TNS3: variants seen among roughly 807,000 people sequenced by gnomAD.
TNS3 encodes tensin-3.
TNS3 carries 45 observed loss-of-function variants against 140.9 expected under a neutral mutation model. That is an observed-to-expected ratio of 0.32 (90% confidence interval 0.25 to 0.41). The LOEUF is 0.41. TNS3 is among the 10% of genes least tolerant of loss of function. The pLI is 1.00. For synonymous variants in TNS3, 815 were observed against 788.4 expected, an observed-to-expected ratio of 1.03 and a Z score of -0.56; for missense variants, 1,716 against 1,906.7, an observed-to-expected ratio of 0.90 and a Z score of 1.86.
chr7:47,470,785 G>A (rs1175576861), intron 4 of TNS3: 2 of 289,304 alleles, frequency 6.9e-6, no homozygotes, highest in Non-Finnish European at 5.2e-6. Flanking sequence ...GCTGACACCA[G>A]GGTTAATATG....
chr7:47,528,886 G>A, intron 2 of TNS3, 150 bp downstream of exon 2: 1 of 350,126 alleles, frequency 2.9e-6, no homozygotes, highest in Non-Finnish European at 5.2e-6. Flanking sequence ...CCCCTGCTAA[G>A]TAAGGGGGTA....
At chr7:47,298,707 G>A (rs761420687) in intron 23 of TNS3, among the ~76,000 whole-genome samples, 12 of 152,336 alleles carry the variant, frequency 7.9e-5, no homozygotes, top group East Asian at 1.9e-4. Flanking sequence ...CCTCCACGGC[G>A]CACTCCCACA....
intron 27 of TNS3, among the ~76,000 whole-genome samples, chr7:47,288,871 G>A (rs575461649): frequency 1.3e-5 from 2 of 152,202 alleles, no homozygotes; most frequent in Admixed American, 6.5e-5. Context: ...CCTCAGGTCC[G>A]CATGGCTAAG....
intron 17 of TNS3, among the ~76,000 whole-genome samples, chr7:47,349,739 G>A (rs1049920079): frequency 3.9e-5 from 6 of 152,190 alleles, no homozygotes; most frequent in Non-Finnish European, 8.8e-5. Context: ...GGAAAAAACA[G>A]GACAAAATGA....
At chr7:47,454,826 G>A (rs920434520) in intron 4 of TNS3, among the ~76,000 whole-genome samples, 2 of 152,300 alleles carry the variant, frequency 1.3e-5, no homozygotes, top group Non-Finnish European at 2.9e-5. Context: ...GGCCTGGGAG[G>A]GAAGTGCCTT....
In TNS3 at chr7:47,313,376, C is replaced by T. The variant is rs77770778; in HGVS notation, c.2651-8373G>A. ...TTAGAGGGAGAGGTTCAGAGCATGACGTGGAAATACTGCTCAGGGGTCTGG... is the reference window on the plus strand; with the variant it reads ...TTAGAGGGAGAGGTTCAGAGCATGATGTGGAAATACTGCTCAGGGGTCTGG... On this transcript the variant is annotated intron_variant, in intron 20 of 30. Coordinates refer to ENST00000311160, the MANE Select transcript of TNS3 (RefSeq NM_022748.12). Among the ~76,000 whole-genome samples, 1,006 of 152,182 alleles carry T rather than the reference C, an allele frequency of 6.6e-3. 10 individuals carry two copies. The highest frequency in any genetic ancestry group is 0.023 in the African/African-American group (955 of 41,526).
intron 4 of TNS3, among the ~76,000 whole-genome samples, chr7:47,475,777 C>T (rs1354833998): frequency 1.3e-5 from 2 of 152,210 alleles, no homozygotes; most frequent in African/African-American, 4.8e-5. Context: ...GGCCACCATT[C>T]GGACCACTGT....
chr7:47,465,449 C>G (rs974217383), intron 4 of TNS3, among the ~76,000 whole-genome samples: 7 of 152,182 alleles, frequency 4.6e-5, no homozygotes, highest in Non-Finnish European at 7.3e-5. Context: ...GCGCCCTGCA[C>G]AATGCCCCTG....
intron 16 of TNS3, among the ~76,000 whole-genome samples, chr7:47,387,188 A>G (rs1792123999): frequency 6.6e-6 from 1 of 152,240 alleles, no homozygotes; most frequent in African/African-American, 2.4e-5. Flanking sequence ...GCAGAACTTG[A>G]TCTTCAAACA....
intron 20 of TNS3, among the ~76,000 whole-genome samples, chr7:47,315,459 C>T (rs556225105): frequency 6.6e-6 from 1 of 152,334 alleles, no homozygotes. Context: ...CCTTCATTTC[C>T]TTTACCCAGA....
intron 20 of TNS3, among the ~76,000 whole-genome samples, chr7:47,305,338 C>A (rs923669042): frequency 1.3e-5 from 2 of 152,264 alleles, no homozygotes; most frequent in African/African-American, 4.8e-5. Context: ...CCCCATCCCC[C>A]ACAAAGGCTG....
intron 20 of TNS3, among the ~76,000 whole-genome samples, chr7:47,322,445 C>T (rs1584398200): frequency 6.6e-6 from 1 of 151,862 alleles, no homozygotes; most frequent in African/African-American, 2.4e-5. Context: ...TCGCTTGAAC[C>T]CGGGAGGCGG....
intron 17 of TNS3, among the ~76,000 whole-genome samples, chr7:47,361,219 A>AAAAAAAAAAAAAAAAAAAAC: frequency 6.7e-6 from 1 of 148,254 alleles, no homozygotes; most frequent in Non-Finnish European, 1.5e-5. Flanking sequence ...AAAAAAAAAA[A>AAAAAAAAAAAAAAAAAAAAC]AAAAACAAGC....
In TNS3 at chr7:47,555,447, G is replaced by A. The variant is rs1256308040; in HGVS notation, c.-264-26300C>T. The stretch of plus-strand genomic sequence containing the variant: ...GTTACACAAATGTAATTGTGTAAAT[G>A]TAATAAAGCAGCAAGAGGGTTTGAA... On this transcript the variant is annotated intron_variant, in intron 1 of 30. Transcript: ENST00000311160. Among the ~76,000 whole-genome samples, 12 of 151,236 alleles carry A rather than the reference G, an allele frequency of 7.9e-5. No homozygotes were observed. In the East Asian group the frequency reaches 2.3e-3, roughly 29 times the overall value.
intron 23 of TNS3, among the ~76,000 whole-genome samples, chr7:47,297,881 G>A (rs1786142624): frequency 6.6e-6 from 1 of 151,358 alleles, no homozygotes; most frequent in East Asian, 1.9e-4. Context: ...TCCACTTCTG[G>A]GTTCAAGCGA....
chr7:47,353,924 A>G (rs1373786928), intron 17 of TNS3, among the ~76,000 whole-genome samples: 1 of 151,616 alleles, frequency 6.6e-6, no homozygotes, highest in Non-Finnish European at 1.5e-5. Context: ...AAGGGGAGGT[A>G]TGGCCTTCAC....
intron 1 of TNS3, among the ~76,000 whole-genome samples, chr7:47,537,812 A>T (rs1047842899): frequency 5.9e-5 from 9 of 152,126 alleles, no homozygotes; most frequent in African/African-American, 1.9e-4. Context: ...TGCTTCTTCT[A>T]CTAAAAAACT....
chr7:47,514,028 G>C (rs1213344240), intron 2 of TNS3, among the ~76,000 whole-genome samples: 1 of 152,248 alleles, frequency 6.6e-6, no homozygotes. Context: ...CCAGGCCACT[G>C]TCTTACAGGG....
intron 4 of TNS3, among the ~76,000 whole-genome samples, chr7:47,444,851 T>G (rs1004345625): frequency 6.6e-6 from 1 of 152,164 alleles, no homozygotes; most frequent in African/African-American, 2.4e-5. Flanking sequence ...TCAAGGCCAA[T>G]GGAGGAAACT....
Sources: gnomAD v4.1 joint callset for allele counts (sites outside exome capture counted in the v4.1 genomes callset) on GRCh38, gnomAD v4.1.1 for gene constraint, MANE v1.5 for transcripts, NCBI Gene and HGNC (gene_info 2026-07-23, HGNC 2026-07-21) for gene names.